The following XXYLT1 variants were observed in gnomAD, a reference collection of about 807,000 sequenced individuals.
XXYLT1 encodes xyloside xylosyltransferase 1.
XXYLT1 carries 20 observed loss-of-function variants against 28.9 expected under a neutral mutation model. The ratio of observed to expected loss-of-function variants is 0.69; its 90% CI spans 0.49 to 1.00. XXYLT1 has a LOEUF of 1.00. Ranked by LOEUF, XXYLT1 falls within the 50% of genes least tolerant of loss-of-function variation. XXYLT1 has a pLI of 0.00. For synonymous variants in XXYLT1, 257 were observed against 253.8 expected, an observed-to-expected ratio of 1.01 and a Z score of -0.12; for missense variants, 542 against 560.1, an observed-to-expected ratio of 0.97 and a Z score of 0.33.
At chr3:195,141,695 C>T (rs960951797) in intron 3 of XXYLT1, among the ~76,000 whole-genome samples, 3 of 152,194 alleles carry the variant, frequency 2.0e-5, no homozygotes, top group Non-Finnish European at 2.9e-5. Context: ...TGCCAGCCAG[C>T]GCCAGCCAGC....
intron 3 of XXYLT1, among the ~76,000 whole-genome samples, chr3:195,140,746 A>T (rs985074539): frequency 6.6e-6 from 1 of 152,212 alleles, no homozygotes; most frequent in African/African-American, 2.4e-5. Flanking sequence ...CTCATTCACT[A>T]TCACGAGAAG....
Position 195,256,190 on chromosome 3 carries a change from T to C in XXYLT1, c.504+14365A>G, listed in dbSNP as rs1487421933. 2.0e-5 allele frequency among the ~76,000 whole-genome samples: 3 copies of C among 152,200 alleles called. No individual in the cohort carries two copies. Among genetic ancestry groups the C allele is most frequent in the Admixed American group, 1.3e-4 (2 of 15,286 alleles). On this transcript the variant is annotated intron_variant, in intron 1 of 3. Coordinates refer to ENST00000310380, the MANE Select transcript of XXYLT1 (RefSeq NM_152531.5). The surrounding 1 kb of genome is among the most constrained non-coding windows in gnomAD (Gnocchi z 4.2). ...GAATCAGCAAGCCGGACTCCAATCA[T>C]GGCTCCGAGCAAGCTCATCTGTGCA...
intron 2 of XXYLT1, among the ~76,000 whole-genome samples, chr3:195,216,997 G>C (rs1459366744): frequency 7.7e-6 from 1 of 129,834 alleles, no homozygotes; most frequent in Non-Finnish European, 1.5e-5. Context: ...GGGATGCAAG[G>C]CTGGTTCAAT....
At position 195,129,036 on chromosome 3, in the gene XXYLT1, T is replaced by C. The variant is rs1292416537; in HGVS notation, c.785+27413A>G. ...AGGCAACTAAATCATTAAAATGAAATAAAAATTTTCATCTTTTAAAAAATG... is the reference window on the plus strand; with the variant it reads ...AGGCAACTAAATCATTAAAATGAAACAAAAATTTTCATCTTTTAAAAAATG... On this transcript the variant is annotated intron_variant, in intron 3 of 3. Coordinates refer to ENST00000310380, the MANE Select transcript of XXYLT1 (RefSeq NM_152531.5). The surrounding 1 kb of genome is among the most constrained non-coding windows in gnomAD (Gnocchi z 4.4). Among the ~76,000 whole-genome samples, 2 of 152,134 alleles carry C rather than the reference T, an allele frequency of 1.3e-5. No homozygotes were observed. Among genetic ancestry groups the C allele is most frequent in the Non-Finnish European group, 2.9e-5 (2 of 68,020 alleles).
intron 3 of XXYLT1, among the ~76,000 whole-genome samples, chr3:195,098,522 C>T (rs1398955507): frequency 1.3e-5 from 2 of 152,206 alleles, no homozygotes; most frequent in Non-Finnish European, 2.9e-5. Flanking sequence ...CACTGCACTC[C>T]AGCCTGGGAG....
chr3:195,191,938 T>C (rs935854272), intron 2 of XXYLT1, among the ~76,000 whole-genome samples: 2 of 152,200 alleles, frequency 1.3e-5, no homozygotes, highest in Non-Finnish European at 2.9e-5. Flanking sequence ...CTACTCTTGA[T>C]AATTGATGGA....
At chr3:195,196,765 T>A (rs1722641763) in intron 2 of XXYLT1, among the ~76,000 whole-genome samples, 1 of 152,108 alleles carries the variant, frequency 6.6e-6, no homozygotes, top group South Asian at 2.1e-4. Context: ...AACGGCTTTG[T>A]ACAAATTAAA....
At position 195,069,763 on chromosome 3, in the gene XXYLT1, G is replaced by A. The variant is rs1434665811; in HGVS notation, c.1134C>T (p.His378=). Residue 378 remains histidine, a synonymous_variant, in exon 4 of 4, where the codon CAC becomes CAT. Transcript: ENST00000310380. Reference sequence around the variant, plus strand: ...TGCAGTTCCCGTGGTAGATCTTGACGTGGCCCTCACACCTGAAATAGGCCT... The same window carrying A: ...TGCAGTTCCCGTGGTAGATCTTGACATGGCCCTCACACCTGAAATAGGCCT... ...VFEAYFRCEG[H]VKIYHGNCNT... The A allele has an allele frequency of 5.0e-6, 8 of 1,613,912 alleles. No homozygotes were observed. Among genetic ancestry groups the A allele is most frequent in the East Asian group, 2.2e-5 (1 of 44,896 alleles).
At chr3:195,155,185 A>G (rs1382404422) in intron 3 of XXYLT1, among the ~76,000 whole-genome samples, 5 of 152,218 alleles carry the variant, frequency 3.3e-5, no homozygotes, top group African/African-American at 1.2e-4. Context: ...GATCTGGGTC[A>G]TGCAAATAGC....
At position 195,180,637 on chromosome 3, in the gene XXYLT1, C is replaced by A; in HGVS notation, c.653-24056G>T. 1.3e-6 allele frequency: 1 copy of A among 785,554 alleles called. No individual in the cohort carries two copies. The highest frequency in any genetic ancestry group is 1.9e-5 in the African/African-American group (1 of 53,520). 48.7% of individuals were successfully genotyped at this position (785,554 alleles called of 1,614,324 possible). On this transcript the variant is annotated intron_variant, in intron 2 of 3. Coordinates refer to ENST00000310380, the MANE Select transcript of XXYLT1 (RefSeq NM_152531.5). This position sits in a 1 kb window ranked among gnomAD's most constrained non-coding sequence, Gnocchi z 5.8. ...GGCTAAGAGCACCAGACGGCGGTGGCTGGAGCACCCCGTGCCACTGCAAAC... is the reference window on the plus strand; with the variant it reads ...GGCTAAGAGCACCAGACGGCGGTGGATGGAGCACCCCGTGCCACTGCAAAC...
intron 1 of XXYLT1, among the ~76,000 whole-genome samples, chr3:195,252,131 G>A (rs1215275560): frequency 6.6e-6 from 1 of 152,218 alleles, no homozygotes; most frequent in Non-Finnish European, 1.5e-5. Context: ...GGATATATGA[G>A]ACTGTTTACA....
intron 1 of XXYLT1, among the ~76,000 whole-genome samples, chr3:195,245,560 G>C (rs970629747): frequency 6.6e-6 from 1 of 152,158 alleles, no homozygotes; most frequent in African/African-American, 2.4e-5. Context: ...TTTAATTTGA[G>C]CGGCAGCTGA....
intron 2 of XXYLT1, among the ~76,000 whole-genome samples, chr3:195,181,616 G>A (rs1721957888): frequency 6.6e-6 from 1 of 152,148 alleles, no homozygotes; most frequent in South Asian, 2.1e-4. Flanking sequence ...CCTCGAGATA[G>A]GTGTATTTCC....
intron 3 of XXYLT1, among the ~76,000 whole-genome samples, chr3:195,103,423 G>GCCTGCGTCCATCACCCCACGCCAGCGA (rs1560095923): frequency 2.7e-4 from 40 of 146,832 alleles, no homozygotes; most frequent in African/African-American, 9.5e-4. Context: ...CACGCCAGCG[G>GCCTGCGTCCATCACCCCACGCCAGCGA]CCTGCGTCCA....
intron 3 of XXYLT1, among the ~76,000 whole-genome samples, chr3:195,074,429 G>A (rs145059580): frequency 3.1e-3 from 465 of 152,312 alleles, no homozygotes; most frequent in African/African-American, 0.01. Context: ...CCTGGAACCC[G>A]GAAACGTGAT....
chr3:195,144,761 T>C (rs1353121714), intron 3 of XXYLT1, among the ~76,000 whole-genome samples: 1 of 152,172 alleles, frequency 6.6e-6, no homozygotes. Flanking sequence ...GAAGTGTGTT[T>C]CCTTGATCCT....
chr3:195,144,598 G>T (rs942514447), intron 3 of XXYLT1, among the ~76,000 whole-genome samples: 3 of 151,600 alleles, frequency 2.0e-5, no homozygotes, highest in African/African-American at 7.3e-5. Flanking sequence ...GGCTGGTCTC[G>T]AACTCCTGAC....
At chr3:195,127,707 G>T (rs1473645133) in intron 3 of XXYLT1, among the ~76,000 whole-genome samples, 2 of 152,118 alleles carry the variant, frequency 1.3e-5, no homozygotes, top group African/African-American at 2.4e-5. Context: ...AGCCCAGGAG[G>T]TTGAGGCTGC....
chr3:195,260,925 T>A (rs1026367172), intron 1 of XXYLT1, among the ~76,000 whole-genome samples: 4 of 152,188 alleles, frequency 2.6e-5, no homozygotes, highest in Middle Eastern at 3.2e-3. Flanking sequence ...GGGGGTGTCA[T>A]CGGCAGGCGG....
Sources: allele counts gnomAD v4.1 joint callset (sites outside exome capture counted in the v4.1 genomes callset), GRCh38; gene constraint gnomAD v4.1.1; non-coding constraint Gnocchi (gnomAD v3.1); transcripts MANE v1.5; gene names NCBI Gene and HGNC (gene_info 2026-07-23, HGNC 2026-07-21).